Variants in TADA2A observed in about 807,000 individuals in gnomAD.
The protein encoded by TADA2A is transcriptional adapter 2-alpha.
Under a neutral mutation model 67.4 loss-of-function variants are expected in TADA2A, and 38 were observed. The observed-to-expected ratio is 0.56, with a 90% CI of 0.44 to 0.74. The LOEUF (loss-of-function observed/expected upper bound fraction) is 0.74. TADA2A is among the 30% of genes least tolerant of loss of function. TADA2A has a pLI of 0.00. For synonymous variants in TADA2A, 192 were observed against 181.6 expected, an observed-to-expected ratio of 1.06 and a Z score of -0.46; for missense variants, 454 against 547.0, an observed-to-expected ratio of 0.83 and a Z score of 1.70.
Position 37,442,580 on chromosome 17 carries a change from C to G in TADA2A, c.459C>G (p.Pro153=). The G allele has an allele frequency of 6.2e-7, 1 of 1,613,822 alleles. No individual in the cohort carries two copies. Among genetic ancestry groups the G allele is most frequent in the Non-Finnish European group, 8.5e-7 (1 of 1,179,940 alleles). Residue 153 remains proline, a synonymous_variant, in exon 7 of 16, where the codon CCC becomes CCG. Coordinates refer to ENST00000615182, the MANE Select transcript of TADA2A (RefSeq NM_001166105.3). ...TTCTTCCAGCTACAGATGACCCTCC[C>G]CGACCTACCTTTGACTCCTTGCTTT... The part of the protein sequence containing the change: ...AIPFHSTDDP[P]RPTFDSLLSR...
intron 8 of TADA2A, among the ~76,000 whole-genome samples, chr17:37,456,369 G>A (rs1173127800): frequency 1.3e-5 from 2 of 152,214 alleles, no homozygotes; most frequent in Non-Finnish European, 2.9e-5. Flanking sequence ...ATTTGGAAGA[G>A]GTGAGTTACA....
At chr17:37,446,383 G>A (rs1388959826) in intron 8 of TADA2A, among the ~76,000 whole-genome samples, 3 of 151,820 alleles carry the variant, frequency 2.0e-5, no homozygotes, top group East Asian at 3.9e-4. Context: ...TTGTTTTCTG[G>A]CTTGTATCTT....
rs1232935967 is a variant in TADA2A, at chr17:37,422,493, T to G, written c.26-1016T>G. Among the ~76,000 whole-genome samples, 550 of 126,422 alleles carry G rather than the reference T, an allele frequency of 4.4e-3. 6 individuals carry two copies. The highest frequency in any genetic ancestry group is 0.011 in the African/African-American group (373 of 32,826). The allele number at this position is 126,422 out of a possible 152,430, so 82.9% of individuals were successfully genotyped here. ...ACCATGCCCAGCTGATTATTATTATTATTATTATTATTATTATTATTATTA... is the reference window on the plus strand; with the variant it reads ...ACCATGCCCAGCTGATTATTATTATGATTATTATTATTATTATTATTATTA... On this transcript the variant is annotated intron_variant, in intron 2 of 15. Coordinates refer to ENST00000615182, the MANE Select transcript of TADA2A (RefSeq NM_001166105.3).
intron 8 of TADA2A, 124 bp from the exon 9 acceptor site, chr17:37,458,400 G>A (rs2053453258): frequency 8.8e-6 from 4 of 453,848 alleles, no homozygotes; most frequent in East Asian, 5.0e-5. Flanking sequence ...ACTAGTGAGT[G>A]TGGAGTAATT....
chr17:37,427,133 T>G (rs2052434587), intron 4 of TADA2A, 124 bp downstream of exon 4: 8 of 716,114 alleles, frequency 1.1e-5, no homozygotes, highest in East Asian at 3.2e-5. Flanking sequence ...TCTTAATCTC[T>G]GAGTATCTTT....
At position 37,437,786 on chromosome 17, in the gene TADA2A, A is replaced by G. The variant is rs929963414; in HGVS notation, c.241A>G (p.Met81Val). ...TCCCAGCTGGACTGCTCAAGAAGAA[A>G]TGGCCCTTTTAGAAGCTGTGATGGA... Reference protein sequence around the residue: ...LDPSWTAQEEMALLEAVMDCG... With the variant: ...LDPSWTAQEEVALLEAVMDCG... Residue 81 changes from methionine to valine, a missense_variant, in exon 5 of 16, where the codon ATG (methionine) becomes GTG (valine). By Grantham distance (21) the Met-to-Val change is conservative (BLOSUM62 1). Transcript: ENST00000615182. 8 of 1,614,078 alleles carry G rather than the reference A, an allele frequency of 5.0e-6. No individual in the cohort carries two copies. Among genetic ancestry groups the G allele is most frequent in the Admixed American group, 1.7e-5 (1 of 59,988 alleles).
chr17:37,471,351 C>T (rs568775802), intron 14 of TADA2A, among the ~76,000 whole-genome samples: 7 of 152,126 alleles, frequency 4.6e-5, no homozygotes, highest in Admixed American at 3.9e-4. Flanking sequence ...AGAGTATAGA[C>T]AGTATAGAGA....
chr17:37,467,333 T>C, intron 11 of TADA2A, 121 bp from the exon 12 acceptor site: 1 of 747,162 alleles, frequency 1.3e-6, no homozygotes, highest in Non-Finnish European at 2.1e-6. Context: ...AGTAGGATTC[T>C]CCAAATGAAC....
intron 7 of TADA2A, among the ~76,000 whole-genome samples, chr17:37,443,495 C>A (rs2052984239): frequency 6.6e-6 from 1 of 152,168 alleles, no homozygotes; most frequent in Non-Finnish European, 1.5e-5. Flanking sequence ...CTCAGGCAAT[C>A]CACCAGCCTC....
chr17:37,454,895 A>G (rs559658405), intron 8 of TADA2A: 2 of 216,730 alleles, frequency 9.2e-6, no homozygotes, highest in East Asian at 1.1e-4. Flanking sequence ...AAAGATGGTG[A>G]AGCCTGTGAA....
Position 37,477,086 on chromosome 17 carries a change from T to A in TADA2A, c.*104T>A. The A allele has an allele frequency of 1.6e-6, 2 of 1,213,676 alleles. No individual in the cohort carries two copies. Among genetic ancestry groups the A allele is most frequent in the Non-Finnish European group, 2.3e-6 (2 of 872,210 alleles). 75.2% of individuals were successfully genotyped at this position (1,213,676 alleles called of 1,614,324 possible). ...GAGTTGTTTTTCAGCTGAATTCTCATGGTGAAAACAGGGGAAAGGACAAAG... is the reference window on the plus strand; with the variant it reads ...GAGTTGTTTTTCAGCTGAATTCTCAAGGTGAAAACAGGGGAAAGGACAAAG... On this transcript the variant is annotated 3_prime_UTR_variant, in exon 16 of 16. Transcript: ENST00000615182.
At chr17:37,409,977 C>G (rs184623864) in intron 1 of TADA2A, among the ~76,000 whole-genome samples, 1 of 152,170 alleles carries the variant, frequency 6.6e-6, no homozygotes, top group African/African-American at 2.4e-5. Flanking sequence ...ACCAGCCTGG[C>G]CAACATGGTG....
At chr17:37,423,250 C>A (rs947986700) in intron 2 of TADA2A, among the ~76,000 whole-genome samples, 10 of 152,078 alleles carry the variant, frequency 6.6e-5, no homozygotes, top group Admixed American at 2.6e-4. Context: ...ATAAATAAAT[C>A]AACAAACAAA....
intron 9 of TADA2A, among the ~76,000 whole-genome samples, chr17:37,459,161 A>G (rs1371379081): frequency 6.6e-6 from 1 of 152,172 alleles, no homozygotes; most frequent in African/African-American, 2.4e-5. Context: ...GTTATGATGA[A>G]CAATGAATAA....
intron 8 of TADA2A, among the ~76,000 whole-genome samples, chr17:37,457,580 C>T (rs939254789): frequency 2.7e-5 from 4 of 148,200 alleles, no homozygotes; most frequent in Non-Finnish European, 4.5e-5. Context: ...TCACTGCAAC[C>T]TCACCTCCTG....
chr17:37,418,903 T>TG (rs1465386958), intron 2 of TADA2A, among the ~76,000 whole-genome samples: 4,337 of 142,466 alleles, frequency 0.03, 281 homozygotes, highest in East Asian at 0.055. Context: ...TTTCTTTTTA[T>TG]TATTTTTGGT....
intron 1 of TADA2A, among the ~76,000 whole-genome samples, chr17:37,410,424 C>T (rs570933085): frequency 1.6e-3 from 244 of 151,822 alleles, no homozygotes; most frequent in African/African-American, 5.6e-3. Context: ...AATCCTCCCA[C>T]GTCAGCCTCC....
intron 8 of TADA2A, among the ~76,000 whole-genome samples, chr17:37,447,538 G>A (rs528127665): frequency 7.0e-4 from 106 of 152,254 alleles, no homozygotes; most frequent in Non-Finnish European, 1.4e-3. Flanking sequence ...ACTTTGGGAG[G>A]CCAAAGTGGG....
intron 1 of TADA2A, 26 bp from the exon 2 acceptor site, chr17:37,411,243 C>A: frequency 1.2e-6 from 1 of 826,712 alleles, no homozygotes; most frequent in Non-Finnish European, 2.1e-6. Context: ...TTTTCTGATC[C>A]ATGTGCCACT....
Sources: gnomAD v4.1 joint callset for allele counts (sites outside exome capture counted in the v4.1 genomes callset) on GRCh38, gnomAD v4.1.1 for gene constraint, MANE v1.5 for transcripts, NCBI Gene and HGNC (gene_info 2026-07-23, HGNC 2026-07-21) for gene names.